The following DGKB variants were observed in gnomAD, a reference collection of about 807,000 sequenced individuals.
DGKB encodes diacylglycerol kinase beta, also known as 90 kDa diacylglycerol kinase.
A neutral mutation model predicts 114.3 loss-of-function variants in DGKB; 67 were observed. The ratio of observed to expected loss-of-function variants is 0.59; its 90% CI spans 0.48 to 0.72. The LOEUF is 0.72. Among genes scored for constraint, DGKB ranks in the 30% least tolerant of loss-of-function variants. The pLI is 0.00. For missense variants in DGKB, 907 were observed against 975.2 expected, an observed-to-expected ratio of 0.93 and a Z score of 0.93; for synonymous variants, 398 against 323.1, an observed-to-expected ratio of 1.23 and a Z score of -2.49.
chr7:14,495,790 A>G (rs1785219915), intron 20 of DGKB, among the ~76,000 whole-genome samples: 1 of 151,806 alleles, frequency 6.6e-6, no homozygotes, highest in Admixed American at 6.6e-5. Context: ...AGCTAGACAA[A>G]GATTCCCAAG....
At chr7:14,350,110 G>A (rs1341064657) in intron 21 of DGKB, among the ~76,000 whole-genome samples, 3 of 152,092 alleles carry the variant, frequency 2.0e-5, no homozygotes, top group Non-Finnish European at 4.4e-5. Context: ...CAGATAGCCA[G>A]GTAAAGACGA....
At chr7:14,830,756 T>C (rs532476501) in intron 2 of DGKB, among the ~76,000 whole-genome samples, 2 of 151,406 alleles carry the variant, frequency 1.3e-5, no homozygotes, top group East Asian at 3.9e-4. Flanking sequence ...CTTGCAAGAG[T>C]TTTCAAGGCA....
intron 4 of DGKB, among the ~76,000 whole-genome samples, chr7:14,751,533 T>C (rs929368221): frequency 3.3e-5 from 5 of 152,322 alleles, no homozygotes; most frequent in African/African-American, 7.2e-5. Flanking sequence ...TTGATGGTAA[T>C]AGTGAAGAGA....
chr7:14,159,485 T>A (rs1398817660), intron 25 of DGKB, among the ~76,000 whole-genome samples: 1 of 152,184 alleles, frequency 6.6e-6, no homozygotes, highest in Non-Finnish European at 1.5e-5. Flanking sequence ...ATATCATTAT[T>A]GAAATTTTAT....
intron 23 of DGKB, among the ~76,000 whole-genome samples, chr7:14,188,910 C>T (rs34871470): frequency 0.19 from 29,429 of 151,706 alleles, 3,116 homozygotes; most frequent in African/African-American, 0.27. Flanking sequence ...AAAAAGCTGT[C>T]AGTTGAGAAT....
intron 2 of DGKB, among the ~76,000 whole-genome samples, chr7:14,792,989 C>A (rs1334605063): frequency 2.6e-5 from 4 of 152,004 alleles, no homozygotes; most frequent in African/African-American, 9.7e-5. Context: ...AAGAAAAACA[C>A]AGGTATGTGA....
chr7:14,693,614 G>C (rs1342204862), intron 9 of DGKB, among the ~76,000 whole-genome samples: 1 of 150,460 alleles, frequency 6.6e-6, no homozygotes, highest in African/African-American at 2.4e-5. Flanking sequence ...AATGACTTTT[G>C]GCACCACTAA....
intron 1 of DGKB, among the ~76,000 whole-genome samples, chr7:14,961,663 G>T (rs942792335): frequency 6.6e-6 from 1 of 151,992 alleles, no homozygotes; most frequent in African/African-American, 2.4e-5. Context: ...CACAAATGTC[G>T]GGCCATTTTT....
At chr7:14,502,399 T>C (rs1034297847) in intron 20 of DGKB, among the ~76,000 whole-genome samples, 1 of 151,932 alleles carries the variant, frequency 6.6e-6, no homozygotes, top group African/African-American at 2.4e-5. Flanking sequence ...GAAAAAAACA[T>C]CCAGCTATGC....
At chr7:14,629,143 T>C (rs1192303318) in intron 14 of DGKB, among the ~76,000 whole-genome samples, 1 of 152,010 alleles carries the variant, frequency 6.6e-6, no homozygotes, top group Non-Finnish European at 1.5e-5. Flanking sequence ...GATGCAAAAT[T>C]AATTCTCTCA....
chr7:14,227,024 A>G (rs1255489610), intron 23 of DGKB, among the ~76,000 whole-genome samples: 1 of 151,954 alleles, frequency 6.6e-6, no homozygotes, highest in African/African-American at 2.4e-5. Context: ...AGGTGCCCGC[A>G]CCGCACCAGG....
In DGKB at chr7:14,574,243, C is replaced by T; in HGVS notation, c.1739G>A (p.Ser580Asn). Residue 580 changes from serine to asparagine, a missense_variant, in exon 20 of 26, where the codon AGT (serine) becomes AAT (asparagine). Physicochemically the swap from Ser to Asn is conservative, Grantham distance 46. Coordinates refer to ENST00000402815, the MANE Select transcript of DGKB (RefSeq NM_001350709.2). ...AATGGAAAAGTAATTATTGATGATA[C>T]TGTAAGGCACTGGGTCTCCTTTCTC... ...KDEKGDPVPY[S>N]IINNYFSIGV... 6.2e-7 allele frequency: 1 copy of T among 1,613,196 alleles called. No homozygotes were observed. The highest frequency in any genetic ancestry group is 8.5e-7 in the Non-Finnish European group (1 of 1,179,532).
chr7:14,180,012 T>G (rs1397154975), intron 23 of DGKB, among the ~76,000 whole-genome samples: 1 of 152,174 alleles, frequency 6.6e-6, no homozygotes. Flanking sequence ...CTCTATAGCC[T>G]GGGTGTTAAT....
At chr7:14,826,132 G>A (rs1403309447) in intron 2 of DGKB, among the ~76,000 whole-genome samples, 2 of 152,110 alleles carry the variant, frequency 1.3e-5, no homozygotes, top group African/African-American at 4.8e-5. Context: ...GCCTTTAAGT[G>A]CCTACTCAAA....
chr7:14,184,479 G>C (rs1783107360), intron 23 of DGKB, among the ~76,000 whole-genome samples: 1 of 152,130 alleles, frequency 6.6e-6, no homozygotes, highest in South Asian at 2.1e-4. Flanking sequence ...TTGCATGGGA[G>C]CTGTGTGAGG....
intron 21 of DGKB, among the ~76,000 whole-genome samples, chr7:14,386,815 G>A (rs1232641059): frequency 6.6e-6 from 1 of 151,950 alleles, no homozygotes; most frequent in Non-Finnish European, 1.5e-5. Context: ...GACAAAAGAT[G>A]AGGAAAAAGG....
intron 21 of DGKB, among the ~76,000 whole-genome samples, chr7:14,380,359 T>A (rs1026256945): frequency 3.9e-5 from 6 of 152,114 alleles, no homozygotes; most frequent in African/African-American, 1.4e-4. Flanking sequence ...AAAAGTCTGA[T>A]AATCAGTGGT....
chr7:14,741,767 GT>G (rs1232099564), intron 4 of DGKB, among the ~76,000 whole-genome samples: 1 of 152,190 alleles, frequency 6.6e-6, no homozygotes, highest in East Asian at 1.9e-4. Context: ...GGGCTTGTTG[GT>G]TTCACCTGTA....
intron 23 of DGKB, among the ~76,000 whole-genome samples, chr7:14,222,734 T>C (rs1445607489): frequency 6.6e-6 from 1 of 151,532 alleles, no homozygotes; most frequent in African/African-American, 2.4e-5. Context: ...CTAATTATTC[T>C]ACCACTTTGA....
Sources: allele counts gnomAD v4.1 joint callset (sites outside exome capture counted in the v4.1 genomes callset), GRCh38; gene constraint gnomAD v4.1.1; transcripts MANE v1.5; gene names NCBI Gene and HGNC (gene_info 2026-07-23, HGNC 2026-07-21).